The following EPHA3 variants were observed in gnomAD, a reference collection of about 807,000 sequenced individuals.
EPHA3 encodes the protein EPH receptor A3, also known as ephrin type-A receptor 3.
In EPHA3, 42 loss-of-function variants were observed where a neutral mutation model predicts 107.1. That is an observed-to-expected ratio of 0.39 (90% CI 0.31 to 0.51). The LOEUF is 0.51. Among genes scored for constraint, EPHA3 ranks in the 20% least tolerant of loss-of-function variants. The pLI is 0.78. For synonymous variants in EPHA3, 461 were observed against 424.8 expected (o/e 1.09, Z -1.05); for missense variants, 1,183 against 1,211.2 (o/e 0.98, Z 0.35).
chr3:89,413,035 C>G lies in EPHA3; in HGVS notation c.1763-106C>G, dbSNP rs551347426. The G allele has an allele frequency of 2.0e-6, 3 of 1,475,256 alleles. No individual in the cohort carries two copies. The African/African-American group carries it at 4.2e-5, about 21-fold the overall frequency. The allele number at this position is 1,475,256 out of a possible 1,614,324, so 91.4% of individuals were successfully genotyped here. On this transcript the variant is annotated intron_variant, in intron 9 of 16. Transcript: ENST00000336596. ...ACAGAATAAACTGAAGGTTGTGCAC[C>G]TTATGGGGTAGGGATTTTTTTAAAC...
intron 3 of EPHA3, among the ~76,000 whole-genome samples, chr3:89,323,505 G>T (rs1430004384): frequency 6.6e-6 from 1 of 151,922 alleles, no homozygotes; most frequent in Non-Finnish European, 1.5e-5. Context: ...TTAAATTGTT[G>T]GTCCAATAGT....
intron 1 of EPHA3, among the ~76,000 whole-genome samples, chr3:89,120,595 A>G (rs1398402966): frequency 1.3e-5 from 2 of 152,252 alleles, no homozygotes; most frequent in African/African-American, 4.8e-5. Flanking sequence ...AACACTTGAT[A>G]AACAGCATAG....
intron 5 of EPHA3, 143 bp from the exon 6 acceptor site, chr3:89,395,694 G>A: frequency 4.1e-6 from 4 of 967,244 alleles, no homozygotes; most frequent in Non-Finnish European, 6.1e-6. Context: ...CCTTGGAAAT[G>A]GAAATAGTGC....
chr3:89,411,591 CG>C (rs1709155106), intron 9 of EPHA3, among the ~76,000 whole-genome samples: 1 of 151,888 alleles, frequency 6.6e-6, no homozygotes, highest in Non-Finnish European at 1.5e-5. Context: ...CTCACACTTA[CG>C]TTTTTTTACT....
intron 5 of EPHA3, 102 bp downstream of exon 5, chr3:89,342,192 G>A: frequency 9.5e-7 from 1 of 1,057,642 alleles, no homozygotes; most frequent in Non-Finnish European, 1.3e-6. Context: ...AGATTTTATA[G>A]AACCCCAGGA....
At chr3:89,426,174 A>G (rs1709453088) in intron 11 of EPHA3, among the ~76,000 whole-genome samples, 1 of 151,704 alleles carries the variant, frequency 6.6e-6, no homozygotes, top group African/African-American at 2.4e-5. Flanking sequence ...CGATCATGTC[A>G]TTTGTAAATC....
At chr3:89,289,085 A>G (rs1274513425) in intron 3 of EPHA3, among the ~76,000 whole-genome samples, 1 of 152,118 alleles carries the variant, frequency 6.6e-6, no homozygotes, top group East Asian at 1.9e-4. Context: ...TATGAGGTAA[A>G]CACTGTTACC....
At chr3:89,256,084 T>C (rs1223933334) in intron 3 of EPHA3, among the ~76,000 whole-genome samples, 3 of 151,150 alleles carry the variant, frequency 2.0e-5, no homozygotes, top group East Asian at 3.9e-4. Flanking sequence ...ACCACTTCTC[T>C]ATTTAAAAAT....
In EPHA3 at chr3:89,379,743, A is replaced by G. The variant is rs116740519; in HGVS notation, c.1307-16094A>G. Among the ~76,000 whole-genome samples, 765 of 152,330 alleles carry G rather than the reference A, an allele frequency of 5.0e-3. 9 individuals are homozygous for G. The highest frequency in any genetic ancestry group is 0.017 in the African/African-American group (727 of 41,580). ...TGGTAATCAAAATGTTTTACATTGT[A>G]TACAATGACCAACCAAAATTATTCT... On this transcript the variant is annotated intron_variant, in intron 5 of 16. Transcript: ENST00000336596.
intron 5 of EPHA3, among the ~76,000 whole-genome samples, chr3:89,362,634 C>T (rs116804003): frequency 0.015 from 2,288 of 150,616 alleles, 62 homozygotes; most frequent in African/African-American, 0.052. Flanking sequence ...ACTGGGTGGA[C>T]GTTGGGAGAT....
chr3:89,399,296 A>ATTTTT, intron 6 of EPHA3, 22 bp from the exon 7 acceptor site: 1 of 1,570,280 alleles, frequency 6.4e-7, no homozygotes, highest in African/African-American at 1.4e-5. Context: ...TTTAACATGA[A>ATTTTT]TTTTTTTTTC....
chr3:89,359,888 C>T (rs1708056926), intron 5 of EPHA3, among the ~76,000 whole-genome samples: 1 of 146,658 alleles, frequency 6.8e-6, no homozygotes, highest in Non-Finnish European at 1.5e-5. Flanking sequence ...GGAATTGTTG[C>T]CCACATTCAA....
Position 89,281,278 on chromosome 3 carries a change from GC to G in EPHA3, c.815-59636del, listed in dbSNP as rs1327484726. ...GAGCTCAGGCAAACCACCTGCCTTG[GC>G]CTCCTAAAGTGCTAGGATTACAGGC... On this transcript the variant is annotated intron_variant, in intron 3 of 16. Coordinates refer to ENST00000336596, the MANE Select transcript of EPHA3 (RefSeq NM_005233.6). Among the ~76,000 whole-genome samples the G allele has an allele frequency of 4.6e-5, 7 of 152,210 alleles. 1 individual carries two copies. Among genetic ancestry groups the G allele is most frequent in the African/African-American group, 1.7e-4 (7 of 41,546 alleles).
At chr3:89,426,104 C>A (rs1028176879) in intron 11 of EPHA3, among the ~76,000 whole-genome samples, 1 of 151,516 alleles carries the variant, frequency 6.6e-6, no homozygotes, top group Non-Finnish European at 1.5e-5. Flanking sequence ...GTATGTATAC[C>A]CAGATGTGTT....
intron 9 of EPHA3, among the ~76,000 whole-genome samples, chr3:89,409,884 A>T (rs1386573243): frequency 2.0e-5 from 3 of 152,010 alleles, no homozygotes; most frequent in Non-Finnish European, 4.4e-5. Flanking sequence ...TGCTATCCTT[A>T]GGGCAACTCA....
intron 3 of EPHA3, among the ~76,000 whole-genome samples, chr3:89,290,511 A>T (rs1352021906): frequency 6.6e-6 from 1 of 152,162 alleles, no homozygotes; most frequent in Non-Finnish European, 1.5e-5. Context: ...ATGAAAAAGG[A>T]ATTGTGACAA....
At chr3:89,378,761 T>C (rs1007677567) in intron 5 of EPHA3, among the ~76,000 whole-genome samples, 11 of 152,208 alleles carry the variant, frequency 7.2e-5, no homozygotes, top group Non-Finnish European at 1.5e-4. Flanking sequence ...TGTATTTGTA[T>C]CTGCATGATT....
rs548514277 is a variant in EPHA3 at position 89,268,540 on chromosome 3, G to T, written c.814+58020G>T. Reference sequence around the variant, plus strand: ...TGGTCTATCTGGTTTTCATGTTTCTGTTTTTTTTTAAGCCACCAACAATTT... The same window carrying T: ...TGGTCTATCTGGTTTTCATGTTTCTTTTTTTTTTTAAGCCACCAACAATTT... On this transcript the variant is annotated intron_variant, in intron 3 of 16. Transcript: ENST00000336596. Among the ~76,000 whole-genome samples the T allele has an allele frequency of 6.0e-5, 9 of 149,920 alleles. No homozygotes were observed. In the South Asian group the frequency reaches 1.5e-3, roughly 25 times the overall value.
At chr3:89,247,851 T>C (rs1705072092) in intron 3 of EPHA3, among the ~76,000 whole-genome samples, 1 of 151,938 alleles carries the variant, frequency 6.6e-6, no homozygotes, top group Non-Finnish European at 1.5e-5. Flanking sequence ...ATCTAGAGAG[T>C]GGATGAAATT....
Sources: allele counts gnomAD v4.1 joint callset (sites outside exome capture counted in the v4.1 genomes callset), GRCh38; gene constraint gnomAD v4.1.1; transcripts MANE v1.5; gene names NCBI Gene and HGNC (gene_info 2026-07-23, HGNC 2026-07-21).